The following GIPC2 variants were observed in gnomAD, a reference collection of about 807,000 sequenced individuals.
GIPC2 encodes GIPC PDZ domain containing family member 2.
A neutral mutation model predicts 30.6 loss-of-function variants in GIPC2; 30 were observed. That is an observed-to-expected ratio of 0.98 (90% confidence interval 0.73 to 1.33). The LOEUF is 1.33. Among genes scored for constraint, GIPC2 ranks in the 40% most tolerant of loss-of-function variants. The pLI is 0.00. For synonymous variants in GIPC2, 167 were observed against 150.0 expected (o/e 1.11, Z -0.83); for missense variants, 414 against 390.3 (o/e 1.06, Z -0.51).
At chr1:78,119,552 A>ATGG in intron 4 of GIPC2, 53 bp downstream of exon 4, 1 of 1,120,534 alleles carries the variant, frequency 8.9e-7, no homozygotes, top group Non-Finnish European at 1.3e-6. Context: ...GAGTTAGATA[A>ATGG]AATTCCATTC....
intron 1 of GIPC2, among the ~76,000 whole-genome samples, chr1:78,055,416 C>T (rs1453927999): frequency 4.6e-5 from 7 of 152,170 alleles, no homozygotes; most frequent in Non-Finnish European, 2.9e-5. Flanking sequence ...TCTGCAGCTG[C>T]ACAGTCAGGT....
chr1:78,103,480 A>G (rs1571510161), intron 3 of GIPC2, among the ~76,000 whole-genome samples: 1 of 152,320 alleles, frequency 6.6e-6, no homozygotes, highest in East Asian at 1.9e-4. Flanking sequence ...TGTGACTAGG[A>G]CTACTGCTAT....
At chr1:78,067,527 A>G (rs1176179815) in intron 1 of GIPC2, among the ~76,000 whole-genome samples, 1 of 151,556 alleles carries the variant, frequency 6.6e-6, no homozygotes, top group East Asian at 1.9e-4. Context: ...TCTCAGCTCA[A>G]TGCAACCTCC....
rs371514002 is a variant in GIPC2, at chr1:78,137,258, G to C, written c.*1515G>C. ...CTCAGGTTGTAACTTGTTGGTACTC[G>C]TTTAGTGAGTTCGTTTTGGAGGTTC... On this transcript the variant is annotated 3_prime_UTR_variant, in exon 6 of 6. Transcript: ENST00000370759. 6.6e-6 allele frequency: 1 copy of C among 151,996 alleles called. No homozygotes were observed. The highest frequency in any genetic ancestry group is 2.4e-5 in the African/African-American group (1 of 41,404). The allele number at this position is 151,996 out of a possible 1,614,324, so 9.4% of individuals were successfully genotyped here. A position where few individuals can be genotyped will look rare whatever the true frequency, so the allele number is the denominator to read the frequency against.
chr1:78,082,727 A>G (rs657954), intron 2 of GIPC2, among the ~76,000 whole-genome samples: 34,582 of 152,198 alleles, frequency 0.23, 4,251 homozygotes, highest in East Asian at 0.5. Context: ...AAAGCAAGGC[A>G]TAATCTAAAC....
chr1:78,064,131 G>T (rs1481001648), intron 1 of GIPC2, among the ~76,000 whole-genome samples: 2 of 152,128 alleles, frequency 1.3e-5, no homozygotes, highest in African/African-American at 4.8e-5. Flanking sequence ...TCTTGGTAAG[G>T]CACTGCATAA....
rs181845965 is a variant in GIPC2, at chr1:78,133,727, T to C, written c.797-1865T>C. ...TAGGGTTTAGTTTTAAAGATAAACA[T>C]TGGTTACACAAGGAAAAAAAAATTG... is the stretch of plus-strand genomic sequence containing the variant. On this transcript the variant is annotated intron_variant, in intron 5 of 5. Transcript: ENST00000370759. Among the ~76,000 whole-genome samples, 370 of 150,542 alleles carry C rather than the reference T, an allele frequency of 2.5e-3. 6 individuals carry two copies. Among genetic ancestry groups the C allele is most frequent in the Non-Finnish European group, 4.6e-4 (31 of 67,850 alleles).
chr1:78,052,182 A>C (rs1294167466), intron 1 of GIPC2, among the ~76,000 whole-genome samples: 1 of 151,886 alleles, frequency 6.6e-6, no homozygotes, highest in Non-Finnish European at 1.5e-5. Context: ...AGTCTGTTCA[A>C]ATGTCATCTT....
chr1:78,109,114 T>C (rs1662415713), intron 3 of GIPC2, among the ~76,000 whole-genome samples: 2 of 152,232 alleles, frequency 1.3e-5, no homozygotes, highest in African/African-American at 4.8e-5. Flanking sequence ...CCCAAGATGG[T>C]GGTCAGCAAC....
At chr1:78,045,550 A>G, upstream of GIPC2, 1 of 985,366 alleles carries the variant, frequency 1.0e-6, no homozygotes, top group Non-Finnish European at 1.2e-6. Context: ...TATGAATACA[A>G]CGTAGCACCA....
chr1:78,064,346 G>A (rs1661461487), intron 1 of GIPC2, among the ~76,000 whole-genome samples: 1 of 152,204 alleles, frequency 6.6e-6, no homozygotes, highest in Admixed American at 6.5e-5. Flanking sequence ...GGCTTCTCAA[G>A]CATTGCAATT....
intron 1 of GIPC2, among the ~76,000 whole-genome samples, chr1:78,071,479 T>C (rs992228370): frequency 6.6e-6 from 1 of 151,940 alleles, no homozygotes; most frequent in South Asian, 2.1e-4. Flanking sequence ...AGAAGGTTTT[T>C]TTTTTTGCTC....
chr1:78,084,242 G>A (rs1442083577), intron 2 of GIPC2, among the ~76,000 whole-genome samples: 1 of 152,172 alleles, frequency 6.6e-6, no homozygotes. Context: ...GGCCAGGCAT[G>A]GTGGCTCACA....
chr1:78,082,490 G>A (rs897443812), intron 2 of GIPC2, among the ~76,000 whole-genome samples: 1 of 152,188 alleles, frequency 6.6e-6, no homozygotes, highest in African/African-American at 2.4e-5. Context: ...GAAAATCTGT[G>A]ACTGGGAAAG....
chr1:78,135,851 T>A lies in GIPC2; in HGVS notation c.*108T>A. 1 of 838,092 alleles carries A rather than the reference T, an allele frequency of 1.2e-6. No homozygotes were observed. The highest frequency in any genetic ancestry group is 1.9e-6 in the Non-Finnish European group (1 of 529,154). The allele number at this position is 838,092 out of a possible 1,614,324, so 51.9% of individuals were successfully genotyped here. On this transcript the variant is annotated 3_prime_UTR_variant, in exon 6 of 6. Coordinates refer to ENST00000370759, the MANE Select transcript of GIPC2 (RefSeq NM_017655.6). ...ACACCTTTACTAACTCTGGTTTAAT[T>A]TCATGTGTATGGAATATATTCTTTG...
intron 1 of GIPC2, among the ~76,000 whole-genome samples, chr1:78,069,936 C>T (rs769160746): frequency 6.6e-6 from 1 of 152,152 alleles, no homozygotes; most frequent in Non-Finnish European, 1.5e-5. Context: ...AAGGAATAGA[C>T]TGTCTTCCCC....
chr1:78,109,388 G>C (rs926558333), intron 3 of GIPC2, among the ~76,000 whole-genome samples: 1 of 152,200 alleles, frequency 6.6e-6, no homozygotes, highest in Admixed American at 6.5e-5. Flanking sequence ...ACCAATGAGA[G>C]TTATTTACCA....
intron 5 of GIPC2, among the ~76,000 whole-genome samples, chr1:78,131,410 G>A (rs895150099): frequency 1.3e-5 from 2 of 151,864 alleles, no homozygotes; most frequent in Admixed American, 6.6e-5. Context: ...GGGTTTCACC[G>A]TGTTAGCCAG....
rs547722415 is a variant in GIPC2 at position 78,088,358 on chromosome 1, T to C, written c.427-6594T>C. On this transcript the variant is annotated intron_variant, in intron 2 of 5. Transcript: ENST00000370759. The stretch of plus-strand genomic sequence containing the variant: ...GACATGGAATCAACCTAAATGCCAA[T>C]CAGCAGCAGACTGGATAAAGAAATG... Among the ~76,000 whole-genome samples, 9 of 152,284 alleles carry C rather than the reference T, an allele frequency of 5.9e-5. No homozygotes were observed. The South Asian group carries it at 1.9e-3, about 32-fold the overall frequency.
Sources: gnomAD v4.1 joint callset for allele counts (sites outside exome capture counted in the v4.1 genomes callset) on GRCh38, gnomAD v4.1.1 for gene constraint, MANE v1.5 for transcripts, NCBI Gene and HGNC (gene_info 2026-07-23, HGNC 2026-07-21) for gene names.